Variants in CDH18 observed in about 807,000 individuals in gnomAD.
CDH18 encodes the protein cadherin-18.
CDH18 carries 31 observed loss-of-function variants against 67.9 expected under a neutral mutation model. The ratio of observed to expected loss-of-function variants is 0.46; its 90% CI spans 0.34 to 0.62. The LOEUF is 0.62. Ranked by LOEUF, CDH18 falls within the 20% of genes least tolerant of loss-of-function variation. CDH18 has a pLI of 0.01. For missense variants in CDH18, 890 were observed against 975.5 expected (o/e 0.91, Z 1.17); for synonymous variants, 362 against 347.2 (o/e 1.04, Z -0.48).
chr5:20,323,403 C>T (rs1412456690), intron 1 of CDH18, among the ~76,000 whole-genome samples: 3 of 152,084 alleles, frequency 2.0e-5, no homozygotes, highest in Non-Finnish European at 4.4e-5. Flanking sequence ...ATTTGCCTTT[C>T]AGAGATTATA....
chr5:19,630,246 T>C lies in CDH18; in HGVS notation c.644-17645A>G, dbSNP rs74636311. On this transcript the variant is annotated intron_variant, in intron 5 of 12. Transcript: ENST00000382275. ...TGTGAGCCACTGTGCCTGGCCAGGA[T>C]GTAGATTTTTTAAATTTTTTATTCA... Among the ~76,000 whole-genome samples the C allele has an allele frequency of 8.0e-3, 1,212 of 152,202 alleles. 5 individuals are homozygous for C. Among genetic ancestry groups the C allele is most frequent in the Admixed American group, 0.017 (267 of 15,286 alleles).
intron 1 of CDH18, among the ~76,000 whole-genome samples, chr5:20,354,978 G>C (rs948227734): frequency 6.6e-6 from 1 of 152,092 alleles, no homozygotes; most frequent in African/African-American, 2.4e-5. Flanking sequence ...TACTACGAGG[G>C]CCAATTACCG....
chr5:19,502,509 G>T (rs1426433306), intron 11 of CDH18, among the ~76,000 whole-genome samples: 1 of 152,064 alleles, frequency 6.6e-6, no homozygotes, highest in African/African-American at 2.4e-5. Flanking sequence ...GCATACTTCT[G>T]TGTATCCTTC....
At chr5:20,550,728 T>C (rs532502341) in intron 1 of CDH18, among the ~76,000 whole-genome samples, 3 of 152,224 alleles carry the variant, frequency 2.0e-5, no homozygotes, top group Admixed American at 6.5e-5. Context: ...CATGCTGTTT[T>C]AGTCCATTTA....
rs140255678 is a variant in CDH18 at position 20,238,057 on chromosome 5, G to T, written c.-518+17387C>A. On this transcript the variant is annotated intron_variant, in intron 2 of 14. Coordinates refer to the CDH18 transcript ENST00000507958. ...ATGCCAAGACAATTACTGGAAAATG[G>T]TAATCATTGTAACAAACAATTCTAG... Among the ~76,000 whole-genome samples, 5 of 151,972 alleles carry T rather than the reference G, an allele frequency of 3.3e-5. No homozygotes were observed. In the East Asian group the frequency reaches 9.7e-4, roughly 29 times the overall value.
intron 2 of CDH18, among the ~76,000 whole-genome samples, chr5:20,048,947 C>T (rs1298104408): frequency 1.3e-5 from 2 of 151,596 alleles, no homozygotes; most frequent in Non-Finnish European, 3.0e-5. Flanking sequence ...TGCAAATCTG[C>T]ATTTTTCAAG....
At chr5:20,124,910 G>A (rs1484804051) in intron 2 of CDH18, among the ~76,000 whole-genome samples, 1 of 152,110 alleles carries the variant, frequency 6.6e-6, no homozygotes, top group South Asian at 2.1e-4. Context: ...TGAAATACTA[G>A]ATAAGGAATT....
At chr5:20,485,595 C>A (rs890234035) in intron 1 of CDH18, among the ~76,000 whole-genome samples, 14 of 150,602 alleles carry the variant, frequency 9.3e-5, no homozygotes, top group Admixed American at 7.3e-4. Context: ...ATTAATTTAG[C>A]CTTTTAATTT....
chr5:19,526,143 G>A (rs1373978140), intron 9 of CDH18, among the ~76,000 whole-genome samples: 1 of 152,064 alleles, frequency 6.6e-6, no homozygotes, highest in Non-Finnish European at 1.5e-5. Flanking sequence ...GCCAAGTTGT[G>A]TTTTTGAGAA....
intron 4 of CDH18, among the ~76,000 whole-genome samples, chr5:19,731,644 A>G (rs1207671397): frequency 4.6e-5 from 7 of 152,204 alleles, no homozygotes; most frequent in African/African-American, 1.7e-4. Context: ...TGACAAATAC[A>G]TATATACAGA....
At chr5:20,545,587 C>G (rs1028001556) in intron 1 of CDH18, among the ~76,000 whole-genome samples, 6 of 152,212 alleles carry the variant, frequency 3.9e-5, no homozygotes, top group Non-Finnish European at 7.3e-5. Context: ...TACGTTGGCA[C>G]CCTTTAGCCA....
chr5:19,687,440 C>G (rs775834880), intron 5 of CDH18, among the ~76,000 whole-genome samples: 13 of 152,160 alleles, frequency 8.5e-5, no homozygotes, highest in Non-Finnish European at 1.8e-4. Context: ...ATCAGTTACA[C>G]CCACTGGAAT....
chr5:20,201,093 G>T (rs1337811724), intron 2 of CDH18, among the ~76,000 whole-genome samples: 3 of 151,998 alleles, frequency 2.0e-5, no homozygotes, highest in South Asian at 2.1e-4. Flanking sequence ...TATCAGTAGA[G>T]CAATACTCTT....
At chr5:19,664,919 C>T (rs905238318) in intron 5 of CDH18, among the ~76,000 whole-genome samples, 2 of 151,824 alleles carry the variant, frequency 1.3e-5, no homozygotes, top group Non-Finnish European at 2.9e-5. Flanking sequence ...TAAGGACTGA[C>T]GTAGAGTTGC....
chr5:19,582,764 G>A (rs1216373890), intron 7 of CDH18, among the ~76,000 whole-genome samples: 1 of 151,930 alleles, frequency 6.6e-6, no homozygotes, highest in Non-Finnish European at 1.5e-5. Flanking sequence ...GGGTTGGGAT[G>A]ACTTATTTAT....
At chr5:20,508,846 C>G (rs1754827743) in intron 1 of CDH18, among the ~76,000 whole-genome samples, 1 of 151,928 alleles carries the variant, frequency 6.6e-6, no homozygotes, top group Admixed American at 6.6e-5. Flanking sequence ...ATTACTATCT[C>G]AATCATTTTA....
intron 1 of CDH18, among the ~76,000 whole-genome samples, chr5:20,379,972 A>G (rs1294800669): frequency 2.6e-5 from 4 of 152,042 alleles, no homozygotes; most frequent in African/African-American, 7.2e-5. Context: ...AAACGTTCCA[A>G]TATCTGAATT....
intron 5 of CDH18, among the ~76,000 whole-genome samples, chr5:19,717,563 G>C (rs183982646): frequency 2.7e-4 from 41 of 152,068 alleles, no homozygotes; most frequent in African/African-American, 9.9e-4. Flanking sequence ...TATGGTTTCT[G>C]AAAAGGCATA....
intron 9 of CDH18, among the ~76,000 whole-genome samples, chr5:19,530,974 G>A (rs1748519620): frequency 6.6e-6 from 1 of 152,152 alleles, no homozygotes; most frequent in South Asian, 2.1e-4. Flanking sequence ...TGCACCCACT[G>A]TCTGGCACTC....
Sources: allele counts gnomAD v4.1 joint callset (sites outside exome capture counted in the v4.1 genomes callset), GRCh38; gene constraint gnomAD v4.1.1; transcripts MANE v1.5; gene names NCBI Gene and HGNC (gene_info 2026-07-23, HGNC 2026-07-21).